The following BRINP2 variants were observed in gnomAD, a reference collection of about 807,000 sequenced individuals.
BRINP2 encodes BMP/retinoic acid-inducible neural-specific protein 2.
Under a neutral mutation model 69.2 loss-of-function variants are expected in BRINP2, and 21 were observed. The observed-to-expected ratio is 0.30, with a 90% CI of 0.22 to 0.44. The LOEUF is 0.44. BRINP2 is among the 20% of genes least tolerant of loss of function. The pLI is 1.00. For missense variants in BRINP2, 877 were observed against 986.0 expected (o/e 0.89, Z 1.48); for synonymous variants, 380 against 394.1 (o/e 0.96, Z 0.42).
intron 2 of BRINP2, among the ~76,000 whole-genome samples, chr1:177,249,187 G>T (rs556214910): frequency 1.3e-5 from 2 of 152,202 alleles, no homozygotes; most frequent in East Asian, 1.9e-4. Context: ...TTCCAGGCTG[G>T]GTTATCCCTT....
At chr1:177,266,121 A>AAAT (rs55687261) in intron 4 of BRINP2, among the ~76,000 whole-genome samples, 62,663 of 147,854 alleles carry the variant, frequency 0.42, 14,845 homozygotes, top group Non-Finnish European at 0.56. Context: ...CTCCATCTCA[A>AAAT]AATAATAATA....
intron 4 of BRINP2, among the ~76,000 whole-genome samples, chr1:177,261,948 T>G (rs1571939412): frequency 6.6e-6 from 1 of 152,016 alleles, no homozygotes; most frequent in Non-Finnish European, 1.5e-5. Flanking sequence ...GTCACTAAGG[T>G]GAAGATTGAG....
intron 4 of BRINP2, among the ~76,000 whole-genome samples, chr1:177,259,557 G>T (rs1650878485): frequency 6.6e-6 from 1 of 152,194 alleles, no homozygotes; most frequent in African/African-American, 2.4e-5. Flanking sequence ...TAGCTAAGGA[G>T]GGTAAGTCAA....
At position 177,280,364 on chromosome 1, in the gene BRINP2, T is replaced by A. The variant is rs760682201; in HGVS notation, c.1236-48T>A. ...TTGCTGCCCTTAAGAAGGGTGTCAG[T>A]GTGTGACTTCTTTTGACTCTTACTT... On this transcript the variant is annotated intron_variant, in intron 7 of 7. Transcript: ENST00000361539. The A allele has an allele frequency of 1.3e-5, 20 of 1,524,122 alleles. No individual in the cohort carries two copies. The South Asian group carries it at 1.9e-4, about 15-fold the overall frequency. 94.4% of individuals were successfully genotyped at this position (1,524,122 alleles called of 1,614,324 possible). A position where few individuals can be genotyped will look rare whatever the true frequency, so the allele number is the denominator to read the frequency against.
chr1:177,269,782 T>A (rs1317649387), intron 4 of BRINP2, among the ~76,000 whole-genome samples: 1 of 152,158 alleles, frequency 6.6e-6, no homozygotes, highest in African/African-American at 2.4e-5. Flanking sequence ...AGGGTTTGCA[T>A]GATCTGGTAT....
intron 1 of BRINP2, among the ~76,000 whole-genome samples, chr1:177,208,555 A>G (rs1649127749): frequency 6.6e-6 from 1 of 152,178 alleles, no homozygotes; most frequent in South Asian, 2.1e-4. Flanking sequence ...GAATCTGTAG[A>G]GAGTGTGCAT....
intron 4 of BRINP2, among the ~76,000 whole-genome samples, chr1:177,266,370 C>G (rs866308098): frequency 6.6e-6 from 1 of 152,060 alleles, no homozygotes; most frequent in Non-Finnish European, 1.5e-5. Context: ...ATGTCATATT[C>G]TCATATCTCA....
At chr1:177,237,921 A>T (rs1650079777) in intron 2 of BRINP2, among the ~76,000 whole-genome samples, 1 of 151,826 alleles carries the variant, frequency 6.6e-6, no homozygotes, top group South Asian at 2.1e-4. Flanking sequence ...TAGGTCAAGG[A>T]TTCTCAATAT....
rs796147395 is a variant in BRINP2 at position 177,202,179 on chromosome 1, G to A, written c.-76-27622G>A. 1.7e-4 allele frequency among the ~76,000 whole-genome samples: 26 copies of A among 152,146 alleles called. No homozygotes were observed. In the South Asian group the frequency reaches 5.2e-3, roughly 30 times the overall value. Reference sequence around the variant, plus strand: ...TCCTGGATTCATTGATTTTTTGAAGGGTTTTTTGTGTCTCTATTTCCTTCA... The same window carrying A: ...TCCTGGATTCATTGATTTTTTGAAGAGTTTTTTGTGTCTCTATTTCCTTCA... On this transcript the variant is annotated intron_variant, in intron 1 of 7. Coordinates refer to ENST00000361539, the MANE Select transcript of BRINP2 (RefSeq NM_021165.4).
At chr1:177,259,016 A>T (rs1046071439) in intron 4 of BRINP2, among the ~76,000 whole-genome samples, 2 of 152,230 alleles carry the variant, frequency 1.3e-5, no homozygotes, top group Non-Finnish European at 2.9e-5. Context: ...GAAATAAATG[A>T]TTAGGCATAG....
chr1:177,247,893 C>A (rs1650433557), intron 2 of BRINP2, among the ~76,000 whole-genome samples: 1 of 152,200 alleles, frequency 6.6e-6, no homozygotes, highest in South Asian at 2.1e-4. Context: ...GAACAAATGT[C>A]TCCTAGTATG....
At chr1:177,215,587 T>C (rs518362) in intron 1 of BRINP2, among the ~76,000 whole-genome samples, 47,687 of 152,016 alleles carry the variant, frequency 0.31, 7,688 homozygotes, top group East Asian at 0.4. Context: ...TAACATCTTG[T>C]TGTAGATTAT....
In BRINP2 at chr1:177,176,280, C is replaced by T. The variant is rs562318892; in HGVS notation, c.-77+4548C>T. Among the ~76,000 whole-genome samples, 375 of 152,218 alleles carry T rather than the reference C, an allele frequency of 2.5e-3. 4 individuals are homozygous for T. The highest frequency in any genetic ancestry group is 8.7e-3 in the African/African-American group (362 of 41,528). Reference sequence around the variant, plus strand: ...ATATTGGCATCATGTGGGTCTTGAGCACTTGAAATGTATGCTGTAAATGTA... The same window carrying T: ...ATATTGGCATCATGTGGGTCTTGAGTACTTGAAATGTATGCTGTAAATGTA... On this transcript the variant is annotated intron_variant, in intron 1 of 7. Transcript: ENST00000361539.
chr1:177,217,186 G>A (rs1649405330), intron 1 of BRINP2, among the ~76,000 whole-genome samples: 1 of 151,436 alleles, frequency 6.6e-6, no homozygotes, highest in African/African-American at 2.4e-5. Flanking sequence ...TCCCATAGAT[G>A]TTCTTCATTC....
At chr1:177,204,961 A>G (rs984899736) in intron 1 of BRINP2, among the ~76,000 whole-genome samples, 27 of 152,204 alleles carry the variant, frequency 1.8e-4, no homozygotes, top group Non-Finnish European at 2.9e-5. Flanking sequence ...ATACTTTTAA[A>G]TGATTGTATT....
At chr1:177,259,534 T>C (rs1325902576) in intron 4 of BRINP2, among the ~76,000 whole-genome samples, 1 of 152,170 alleles carries the variant, frequency 6.6e-6, no homozygotes, top group Non-Finnish European at 1.5e-5. Flanking sequence ...GAAGATGACA[T>C]TGAGGACTTT....
At chr1:177,221,298 T>C (rs1191660212) in intron 1 of BRINP2, among the ~76,000 whole-genome samples, 1 of 152,188 alleles carries the variant, frequency 6.6e-6, no homozygotes, top group Non-Finnish European at 1.5e-5. Context: ...GTAACTAATA[T>C]GTAAACATAA....
intron 1 of BRINP2, among the ~76,000 whole-genome samples, chr1:177,206,444 A>G (rs965261585): frequency 2.0e-5 from 3 of 152,214 alleles, no homozygotes; most frequent in South Asian, 4.1e-4. Context: ...CCCTCTCCCA[A>G]CTAACATCCT....
At chr1:177,208,912 G>C (rs1310013779) in intron 1 of BRINP2, among the ~76,000 whole-genome samples, 2 of 152,180 alleles carry the variant, frequency 1.3e-5, no homozygotes, top group Admixed American at 6.5e-5. Context: ...ACGTGATCAG[G>C]CAAATGTACT....
Sources: gnomAD v4.1 joint callset for allele counts (sites outside exome capture counted in the v4.1 genomes callset) on GRCh38, gnomAD v4.1.1 for gene constraint, MANE v1.5 for transcripts, NCBI Gene and HGNC (gene_info 2026-07-23, HGNC 2026-07-21) for gene names.